BOLL: variants seen among roughly 807,000 people sequenced by gnomAD.
The protein encoded by BOLL is boule RNA binding protein.
Under a neutral mutation model 44.4 loss-of-function variants are expected in BOLL, and 23 were observed. The observed-to-expected ratio is 0.52, with a 90% CI of 0.37 to 0.73. BOLL has a LOEUF of 0.73. BOLL is among the 30% of genes least tolerant of loss of function. BOLL has a pLI of 0.00. For missense variants in BOLL, 287 were observed against 338.3 expected, an observed-to-expected ratio of 0.85 and a Z score of 1.19; for synonymous variants, 97 against 110.8, an observed-to-expected ratio of 0.88 and a Z score of 0.78.
intron 7 of BOLL, among the ~76,000 whole-genome samples, chr2:197,759,759 G>T (rs1163968228): frequency 6.6e-6 from 1 of 152,162 alleles, no homozygotes; most frequent in African/African-American, 2.4e-5. Flanking sequence ...TCAAACTGCT[G>T]CACTCTCCTG....
In BOLL at chr2:197,756,540, G is replaced by A; in HGVS notation, c.617C>T (p.Ala206Val). 1.9e-6 allele frequency: 3 copies of A among 1,605,602 alleles called. No homozygotes were observed. Among genetic ancestry groups the A allele is most frequent in the Non-Finnish European group, 2.6e-6 (3 of 1,176,028 alleles). The change falls in exon 9 of 11, where the codon GCT (alanine) becomes GTT (valine). Residue 206 changes from alanine (A) to valine (V), a missense_variant. Ala to Val is a moderately conservative substitution (Grantham distance 64). Transcript: ENST00000392296. ...AGAAGGTTGCAGGTATAAGAATGGAGCAGAAGAGGCAGAAGGCTAAAATAC... is the reference window on the plus strand; with the variant it reads ...AGAAGGTTGCAGGTATAAGAATGGAACAGAAGAGGCAGAAGGCTAAAATAC... ...WSVPQPSASS[A>V]PFLYLQPSEV...
At chr2:197,735,461 G>C (rs1194625652) in intron 10 of BOLL, among the ~76,000 whole-genome samples, 2 of 151,320 alleles carry the variant, frequency 1.3e-5, no homozygotes, top group Non-Finnish European at 2.9e-5. Flanking sequence ...TTGATTCTAC[G>C]TTCTGAAAAC....
rs144380136 is a variant in BOLL, at chr2:197,760,986, A to G, written c.553-3586T>C. Among the ~76,000 whole-genome samples, 27 of 152,284 alleles carry G rather than the reference A, an allele frequency of 1.8e-4. No individual in the cohort carries two copies. In the East Asian group the frequency reaches 5.0e-3, roughly 28 times the overall value. On this transcript the variant is annotated intron_variant, in intron 7 of 10. Coordinates refer to ENST00000392296, the MANE Select transcript of BOLL (RefSeq NM_033030.6). ...AAAAAACCTGCCAGCCAAGAATATT[A>G]TACCCAGTAAAGCTATCCTTCAGAA...
At chr2:197,747,232 G>T (rs895710635) in intron 9 of BOLL, among the ~76,000 whole-genome samples, 19 of 152,022 alleles carry the variant, frequency 1.2e-4, no homozygotes, top group African/African-American at 4.6e-4. Flanking sequence ...TATACCATTT[G>T]TCGTTAGTTA....
chr2:197,741,517 A>G lies in BOLL; in HGVS notation c.828+1544T>C, dbSNP rs1355734901. On this transcript the variant is annotated intron_variant, in intron 10 of 10. Coordinates refer to ENST00000392296, the MANE Select transcript of BOLL (RefSeq NM_033030.6). ...CTCAGAAATAATGCCGCATATCTAC[A>G]ACTATCTGATCTTTGACAAGCCTGA... is the stretch of plus-strand genomic sequence containing the variant. Among the ~76,000 whole-genome samples, 6 of 152,214 alleles carry G rather than the reference A, an allele frequency of 3.9e-5. No individual in the cohort carries two copies. In the East Asian group the frequency reaches 1.2e-3, roughly 29 times the overall value.
rs767772965 is a variant in BOLL at position 197,728,072 on chromosome 2, G to A, written c.*483C>T. Reference sequence around the variant, plus strand: ...AAAACAGCAAAGCAAAAATAGAATTGTCATTAATATTAAATAGTATACTGT... The same window carrying A: ...AAAACAGCAAAGCAAAAATAGAATTATCATTAATATTAAATAGTATACTGT... On this transcript the variant is annotated 3_prime_UTR_variant, in exon 11 of 11. Transcript: ENST00000392296. 3.1e-4 allele frequency: 49 copies of A among 158,808 alleles called. No homozygotes were observed. The highest frequency in any genetic ancestry group is 3.9e-4 in the Admixed American group (6 of 15,480). The allele number at this position is 158,808 out of a possible 1,614,324, so 9.8% of individuals were successfully genotyped here.
At position 197,743,073 on chromosome 2, in the gene BOLL, A is replaced by T. The variant is rs1687830198; in HGVS notation, c.816T>A (p.Pro272=). 6.3e-7 allele frequency: 1 copy of T among 1,591,838 alleles called. No individual in the cohort carries two copies. The highest frequency in any genetic ancestry group is 1.3e-5 in the African/African-American group (1 of 74,180). ...AITMPAPVMQ[P]EPIKTVWSIH... The stretch of plus-strand genomic sequence containing the variant: ...ACAAATTTCTTACTTTAATTGGCTC[A>T]GGCTGCATCACAGGCGCAGGCATAG... The change falls in exon 10 of 11, where the codon CCT becomes CCA. Residue 272 remains proline (P), a synonymous_variant. Coordinates refer to ENST00000392296, the MANE Select transcript of BOLL (RefSeq NM_033030.6).
intron 7 of BOLL, among the ~76,000 whole-genome samples, 155 bp downstream of exon 7, chr2:197,766,377 T>C (rs1418395857): frequency 6.6e-6 from 1 of 152,130 alleles, no homozygotes; most frequent in Non-Finnish European, 1.5e-5. Flanking sequence ...CTGACTGGTG[T>C]GAGATGGTAT....
At chr2:197,784,391 C>CATACATAT (rs1305139578) in intron 1 of BOLL, among the ~76,000 whole-genome samples, 26 of 54,996 alleles carry the variant, frequency 4.7e-4, no homozygotes, top group African/African-American at 2.2e-3. Context: ...CAGTCTAATA[C>CATACATAT]ATATATATAT....
In BOLL at chr2:197,756,418, TA is replaced by T; in HGVS notation, c.729+9del. 6.3e-7 allele frequency: 1 copy of T among 1,591,054 alleles called. No homozygotes were observed. Among genetic ancestry groups the T allele is most frequent in the Non-Finnish European group, 8.6e-7 (1 of 1,168,880 alleles). On this transcript the variant is annotated intron_variant, in intron 9 of 10. Transcript: ENST00000392296. ...AGTTATAGATCAATTACTTTAAGAC[TA>T]ATACATACCTCTGGAACTGAAGTTT...
rs1055761181 is a variant in BOLL, at chr2:197,785,280, C to T, written c.-240G>A. On this transcript the variant is annotated 5_prime_UTR_variant, in exon 1 of 11. Coordinates refer to ENST00000392296, the MANE Select transcript of BOLL (RefSeq NM_033030.6). This position sits in a 1 kb window ranked among gnomAD's most constrained non-coding sequence, Gnocchi z 6.7. ...TCCGCCAGCAGCAGTGGCGGGAAGCCTCAACGGCAGCGACCCCGCCGCTGG... is the reference window on the plus strand; with the variant it reads ...TCCGCCAGCAGCAGTGGCGGGAAGCTTCAACGGCAGCGACCCCGCCGCTGG... 1 of 985,324 alleles carries T rather than the reference C, an allele frequency of 1.0e-6. No homozygotes were observed. Among genetic ancestry groups the T allele is most frequent in the Non-Finnish European group, 1.2e-6 (1 of 829,728 alleles). 61.0% of individuals were successfully genotyped at this position (985,324 alleles called of 1,614,324 possible).
At chr2:197,775,553 C>T in intron 5 of BOLL, 112 bp downstream of exon 5, 3 of 722,168 alleles carry the variant, frequency 4.2e-6, no homozygotes, top group Non-Finnish European at 6.4e-6. Context: ...GCTAAAATAA[C>T]TTTATTAGAT....
At chr2:197,732,594 TC>T (rs372755957) in intron 10 of BOLL, among the ~76,000 whole-genome samples, 29,636 of 150,620 alleles carry the variant, frequency 0.2, 2,963 homozygotes, top group East Asian at 0.27. Context: ...CAGCAGCACA[TC>T]AAAAAGCTTA....
intron 9 of BOLL, among the ~76,000 whole-genome samples, chr2:197,751,850 AAG>A (rs1491052886): frequency 1.3e-5 from 2 of 152,018 alleles, no homozygotes; most frequent in Non-Finnish European, 2.9e-5. Flanking sequence ...AAAAAAAAAA[AAG>A]AAAATTTCAG....
At chr2:197,755,714 G>C (rs1398058347) in intron 9 of BOLL, among the ~76,000 whole-genome samples, 1 of 152,190 alleles carries the variant, frequency 6.6e-6, no homozygotes, top group East Asian at 1.9e-4. Context: ...TGGACACAGG[G>C]AGGGGCACAA....
In BOLL at chr2:197,769,550, G is replaced by A. The variant is rs557574934; in HGVS notation, c.480+2305C>T. 2.6e-5 allele frequency among the ~76,000 whole-genome samples: 4 copies of A among 152,234 alleles called. No homozygotes were observed. In the South Asian group the frequency reaches 8.3e-4, roughly 32 times the overall value. On this transcript the variant is annotated intron_variant, in intron 6 of 10. Transcript: ENST00000392296. ...AAAGGGTATTCAATTAGGAAAAGAG[G>A]AAGTCAAATTGTCCCTCTTTGCAGA...
intron 10 of BOLL, among the ~76,000 whole-genome samples, chr2:197,738,777 AG>A (rs1687610669): frequency 6.6e-6 from 1 of 152,214 alleles, no homozygotes; most frequent in Admixed American, 6.6e-5. Flanking sequence ...CTATTTTAAA[AG>A]TCACCAAGAT....
chr2:197,728,909 G>C lies in BOLL; in HGVS notation c.829-331C>G, dbSNP rs190628666. On this transcript the variant is annotated intron_variant, in intron 10 of 10. Coordinates refer to ENST00000392296, the MANE Select transcript of BOLL (RefSeq NM_033030.6). ...TCTATTAGGTGGGTCTTAAAAACTT[G>C]TTTTTAAAAGGGGAATAGTATTTTT... 4.6e-3 allele frequency among the ~76,000 whole-genome samples: 705 copies of C among 152,328 alleles called. 5 individuals carry two copies. Among genetic ancestry groups the C allele is most frequent in the African/African-American group, 0.016 (674 of 41,580 alleles).
At chr2:197,731,638 C>T (rs1462768530) in intron 10 of BOLL, among the ~76,000 whole-genome samples, 13 of 148,724 alleles carry the variant, frequency 8.7e-5, no homozygotes, top group Non-Finnish European at 1.6e-4. Flanking sequence ...TGCAATCAAA[C>T]TAGAACTCAG....
Sources: allele counts gnomAD v4.1 joint callset (sites outside exome capture counted in the v4.1 genomes callset), GRCh38; gene constraint gnomAD v4.1.1; non-coding constraint Gnocchi (gnomAD v3.1); transcripts MANE v1.5; gene names NCBI Gene and HGNC (gene_info 2026-07-23, HGNC 2026-07-21).